Variants in FMR1NB observed in about 807,000 individuals in gnomAD.
FMR1NB encodes the protein FMR1 neighbor protein.
FMR1NB carries 10 observed loss-of-function variants against 16.8 expected under a neutral mutation model. The ratio of observed to expected loss-of-function variants is 0.60; its 90% CI spans 0.37 to 1.01. The LOEUF is 1.01. FMR1NB is among the 50% of genes least tolerant of loss of function. FMR1NB has a pLI of 0.01. For missense variants in FMR1NB, 205 were observed against 204.8 expected, an observed-to-expected ratio of 1.00 and a Z score of 0.00; for synonymous variants, 83 against 79.1, an observed-to-expected ratio of 1.05 and a Z score of -0.26.
At chrX:148,017,874 AT>A (rs1465683658) in intron 4 of FMR1NB, among the ~76,000 whole-genome samples, 4,158 of 108,222 alleles carry the variant, frequency 0.038, 146 homozygotes, top group African/African-American at 0.1. Context: ...TGAACTCATC[AT>A]TTTTTATGGC....
At chrX:148,008,978 G>A (rs1460164416) in intron 4 of FMR1NB, among the ~76,000 whole-genome samples, 2 of 110,254 alleles carry the variant, frequency 1.8e-5, no homozygotes, top group Non-Finnish European at 3.8e-5. Flanking sequence ...TCAGGAGTTC[G>A]AGACCAGTCT....
rs201059029 is a variant in FMR1NB, at chrX:148,006,813, G to A, written c.509G>A (p.Ser170Asn). Residue 170 changes from serine to asparagine, a missense_variant, in exon 3 of 6, where the codon AGC becomes AAC. Physicochemically the swap from Ser to Asn is conservative, Grantham distance 46. Coordinates refer to ENST00000370467, the MANE Select transcript of FMR1NB (RefSeq NM_152578.3). ...KCCFSSSGTT[S>N]FKCFAPFRDV... ...TGTTTTTCATCATCGGGGACCACGA[G>A]CTTCAAATGTTTTGCTCCATTTAGA... 3.3e-6 allele frequency: 4 copies of A among 1,210,070 alleles called. No homozygotes were observed. In the South Asian group the frequency reaches 7.1e-5, roughly 22 times the overall value.
At chrX:147,989,986 C>T (rs782227996) in intron 1 of FMR1NB, among the ~76,000 whole-genome samples, 3 of 108,950 alleles carry the variant, frequency 2.8e-5, no homozygotes, top group South Asian at 4.1e-4. Flanking sequence ...AGCCCCCTTT[C>T]CAGGGGAGTG....
chrX:148,018,012 G>A (rs1237694772), intron 4 of FMR1NB, among the ~76,000 whole-genome samples: 2 of 106,444 alleles, frequency 1.9e-5, no homozygotes, highest in Non-Finnish European at 3.9e-5. Flanking sequence ...GTGTGCATGT[G>A]TCTTTATAGC....
At chrX:147,998,785 T>C (rs1228724412) in intron 1 of FMR1NB, among the ~76,000 whole-genome samples, 1 of 112,347 alleles carries the variant, frequency 8.9e-6, no homozygotes, top group Non-Finnish European at 1.9e-5. Context: ...GTACTACTAG[T>C]GATAGACTAC....
intron 4 of FMR1NB, among the ~76,000 whole-genome samples, chrX:148,009,767 G>A (rs1336779660): frequency 8.9e-6 from 1 of 111,857 alleles, no homozygotes; most frequent in Admixed American, 9.5e-5. Flanking sequence ...TGAAGTTAAT[G>A]TGGAAGTAGT....
chrX:148,001,426 A>C (rs1433995357), intron 1 of FMR1NB, among the ~76,000 whole-genome samples: 2 of 111,904 alleles, frequency 1.8e-5, no homozygotes, highest in African/African-American at 6.5e-5. Flanking sequence ...AAAAATTCTC[A>C]GAGCTGAAAA....
chrX:147,994,111 C>G (rs1181176062), intron 1 of FMR1NB, among the ~76,000 whole-genome samples: 1 of 111,595 alleles, frequency 9.0e-6, no homozygotes, highest in Non-Finnish European at 1.9e-5. Context: ...CCCACAGTCT[C>G]CTGCCTTTGA....
At chrX:148,019,649 A>G (rs781901711) in intron 4 of FMR1NB, among the ~76,000 whole-genome samples, 5 of 112,257 alleles carry the variant, frequency 4.5e-5, no homozygotes, top group Non-Finnish European at 9.4e-5. Flanking sequence ...TGACTCTTGC[A>G]GACTTGTAGA....
At chrX:147,984,096 C>A (rs2044464438) in intron 1 of FMR1NB, among the ~76,000 whole-genome samples, 3 of 112,145 alleles carry the variant, frequency 2.7e-5, no homozygotes, top group African/African-American at 9.7e-5. Flanking sequence ...TATGCTGGTA[C>A]CACATTCTTT....
intron 1 of FMR1NB, among the ~76,000 whole-genome samples, chrX:147,982,026 A>T (rs782318428): frequency 8.9e-6 from 1 of 112,016 alleles, no homozygotes; most frequent in South Asian, 3.7e-4. Context: ...ACGGTGGCTC[A>T]CATCTGTAAT....
chrX:148,003,317 A>G lies in FMR1NB; in HGVS notation c.394A>G (p.Thr132Ala). The G allele has an allele frequency of 4.1e-6, 5 of 1,209,681 alleles. No individual in the cohort carries two copies. Among genetic ancestry groups the G allele is most frequent in the Non-Finnish European group, 5.6e-6 (5 of 894,430 alleles). The change falls in exon 2 of 6, where the codon ACA becomes GCA. Residue 132 changes from threonine (T) to alanine (A), a missense_variant. Transcript: ENST00000370467. ...AGCTTTGCTGAATTTTTTCTTTCCAACAAGTAAGTTCTTGTTTGATTTTTT... is the reference window on the plus strand; with the variant it reads ...AGCTTTGCTGAATTTTTTCTTTCCAGCAAGTAAGTTCTTGTTTGATTTTTT... The part of the protein sequence containing the change: ...LEALLNFFFP[T>A]TCNLRENQVA...
At chrX:147,984,863 C>T (rs1219912136) in intron 1 of FMR1NB, among the ~76,000 whole-genome samples, 4 of 111,939 alleles carry the variant, frequency 3.6e-5, no homozygotes, top group African/African-American at 9.7e-5. Flanking sequence ...AAGATTCATT[C>T]TGTTCCTAGT....
intron 1 of FMR1NB, among the ~76,000 whole-genome samples, chrX:148,001,320 T>C (rs1403598237): frequency 8.9e-6 from 1 of 112,105 alleles, no homozygotes; most frequent in Non-Finnish European, 1.9e-5. Context: ...GGACACACAA[T>C]AAATGATTTT....
chrX:148,003,426 G>A, intron 2 of FMR1NB, 106 bp downstream of exon 2: 1 of 898,288 alleles, frequency 1.1e-6, no homozygotes, highest in Non-Finnish European at 1.5e-6. Context: ...GTGGGACAGA[G>A]CTGAGTTTGA....
rs188286421 is a variant in FMR1NB at position 148,016,176 on chromosome X, A to G, written c.632+7465A>G. 7.2e-3 allele frequency among the ~76,000 whole-genome samples: 719 copies of G among 100,305 alleles called. 3 individuals carry two copies. Among genetic ancestry groups the G allele is most frequent in the Middle Eastern group, 0.011 (2 of 190 alleles). The allele number at this position is 100,305 out of a possible 115,157, so 87.1% of individuals were successfully genotyped here. On this transcript the variant is annotated intron_variant, in intron 4 of 5. Transcript: ENST00000370467. ...ATGGAATGTCTTTTTTCATTCCTTT[A>G]TTTTCAGTCTATATGTGTCTTTATA...
intron 4 of FMR1NB, among the ~76,000 whole-genome samples, chrX:148,018,218 T>C (rs2044660357): frequency 8.9e-6 from 1 of 111,767 alleles, no homozygotes; most frequent in Non-Finnish European, 1.9e-5. Context: ...CCTGACTTTT[T>C]AATGATTGCC....
At position 148,021,117 on chromosome X, in the gene FMR1NB, C is replaced by G. The variant is rs148732881; in HGVS notation, c.633-3748C>G. Among the ~76,000 whole-genome samples the G allele has an allele frequency of 3.4e-3, 378 of 111,821 alleles. 1 individual carries two copies. The highest frequency in any genetic ancestry group is 0.012 in the African/African-American group (356 of 30,762). On this transcript the variant is annotated intron_variant, in intron 4 of 5. Coordinates refer to ENST00000370467, the MANE Select transcript of FMR1NB (RefSeq NM_152578.3). The stretch of plus-strand genomic sequence containing the variant: ...TGGCTAGGTCTGGTTTAAATAGTCC[C>G]TCTGTGAGTGGGCATCAGCTGGGTT...
intron 4 of FMR1NB, among the ~76,000 whole-genome samples, chrX:148,013,614 T>C (rs2044635824): frequency 8.9e-6 from 1 of 112,367 alleles, no homozygotes; most frequent in African/African-American, 3.2e-5. Context: ...AAAATTATAG[T>C]AGAGACTTGA....
Sources: gnomAD v4.1 joint callset for allele counts (sites outside exome capture counted in the v4.1 genomes callset) on GRCh38, gnomAD v4.1.1 for gene constraint, MANE v1.5 for transcripts, NCBI Gene and HGNC (gene_info 2026-07-23, HGNC 2026-07-21) for gene names.